The following NLGN1 variants were observed in gnomAD, a reference collection of about 807,000 sequenced individuals.
NLGN1 encodes the protein neuroligin 1.
NLGN1 carries 12 observed loss-of-function variants against 65.5 expected under a neutral mutation model. The observed-to-expected ratio is 0.18, with a 90% CI of 0.12 to 0.30. The LOEUF (loss-of-function observed/expected upper bound fraction) is 0.30, where lower values mean the gene tolerates loss of function less well. NLGN1 is among the 10% of genes least tolerant of loss of function. The probability of loss-of-function intolerance (pLI) is 1.00; values close to 1 mark genes in which losing one functional copy is unlikely to be tolerated. For synonymous variants in NLGN1, 350 were observed against 359.5 expected, an observed-to-expected ratio of 0.97 and a Z score of 0.30; for missense variants, 750 against 1,007.1, an observed-to-expected ratio of 0.74 and a Z score of 3.46.
intron 4 of NLGN1, among the ~76,000 whole-genome samples, chr3:173,891,635 C>A (rs1735354754): frequency 6.6e-6 from 1 of 152,156 alleles, no homozygotes; most frequent in African/African-American, 2.4e-5. Context: ...AATGTCCAGG[C>A]CCATTTGCCA....
chr3:173,509,953 T>A (rs937060952), intron 2 of NLGN1, among the ~76,000 whole-genome samples: 3 of 152,206 alleles, frequency 2.0e-5, no homozygotes, highest in African/African-American at 4.8e-5. Context: ...TTTCAATGGA[T>A]GTGAAGGAGA....
intron 4 of NLGN1, among the ~76,000 whole-genome samples, chr3:173,863,867 T>A (rs987524648): frequency 3.3e-5 from 5 of 152,192 alleles, no homozygotes; most frequent in African/African-American, 1.2e-4. Flanking sequence ...TGATTGGCCA[T>A]CATTGAGCTT....
At chr3:174,242,505 T>G (rs562822567) in intron 4 of NLGN1, among the ~76,000 whole-genome samples, 8 of 152,104 alleles carry the variant, frequency 5.3e-5, no homozygotes, top group Non-Finnish European at 1.0e-4. Flanking sequence ...CTGCCTGCGC[T>G]CCATCTCCTG....
At position 173,801,976 on chromosome 3, in the gene NLGN1, C is replaced by A. The variant is rs185052280; in HGVS notation, c.494-5704C>A. On this transcript the variant is annotated intron_variant, in intron 3 of 6. Coordinates refer to ENST00000457714, the Ensembl canonical transcript of NLGN1. ...TTTCAGGCTTTGGGACTTTTTGAAC[C>A]CCTTGAAAATCCTTAACTCCTAGAA... is the stretch of plus-strand genomic sequence containing the variant. 2.5e-3 allele frequency among the ~76,000 whole-genome samples: 383 copies of A among 152,106 alleles called. 2 individuals are homozygous for A. The highest frequency in any genetic ancestry group is 8.3e-3 in the African/African-American group (346 of 41,536).
chr3:173,945,334 TGG>T (rs957157141), intron 4 of NLGN1, among the ~76,000 whole-genome samples: 4 of 152,100 alleles, frequency 2.6e-5, no homozygotes, highest in African/African-American at 9.7e-5. Flanking sequence ...TTTTTTGATG[TGG>T]GTGTAAACCT....
chr3:174,101,572 A>G (rs1347093460), intron 4 of NLGN1, among the ~76,000 whole-genome samples: 1 of 152,192 alleles, frequency 6.6e-6, no homozygotes, highest in Non-Finnish European at 1.5e-5. Context: ...AATGAATCAC[A>G]GCTTTTTAAA....
intron 2 of NLGN1, among the ~76,000 whole-genome samples, chr3:173,553,913 T>C (rs913361185): frequency 6.6e-6 from 1 of 152,046 alleles, no homozygotes; most frequent in Non-Finnish European, 1.5e-5. Flanking sequence ...GACTAAATTT[T>C]CCCCCTGGGA....
chr3:173,755,684 A>G (rs1480033762), intron 3 of NLGN1, among the ~76,000 whole-genome samples: 4 of 152,084 alleles, frequency 2.6e-5, no homozygotes, highest in Admixed American at 1.3e-4. Context: ...TGGCAAGACT[A>G]ATTAATAATT....
At chr3:173,506,906 G>T (rs1418254000) in intron 2 of NLGN1, among the ~76,000 whole-genome samples, 1 of 152,036 alleles carries the variant, frequency 6.6e-6, no homozygotes, top group Admixed American at 6.6e-5. Context: ...AGGTCAAAAT[G>T]AAAAAGAATG....
intron 4 of NLGN1, among the ~76,000 whole-genome samples, chr3:174,241,662 T>C (rs926588232): frequency 1.3e-5 from 2 of 151,892 alleles, no homozygotes; most frequent in Middle Eastern, 3.2e-3. Context: ...TTTTTTTTTT[T>C]TTTCTTTTTG....
intron 3 of NLGN1, among the ~76,000 whole-genome samples, chr3:173,707,828 A>G (rs1768286995): frequency 6.6e-6 from 1 of 152,192 alleles, no homozygotes; most frequent in Non-Finnish European, 1.5e-5. Flanking sequence ...ATGGACTGTG[A>G]GATAGGGATA....
intron 4 of NLGN1, among the ~76,000 whole-genome samples, chr3:174,146,555 A>G (rs1323524550): frequency 6.6e-6 from 1 of 152,022 alleles, no homozygotes; most frequent in African/African-American, 2.4e-5. Context: ...TCTTTATAAA[A>G]TATCTGACAT....
chr3:173,817,485 T>C (rs1169973605), intron 4 of NLGN1, among the ~76,000 whole-genome samples: 2 of 152,158 alleles, frequency 1.3e-5, no homozygotes, highest in Non-Finnish European at 2.9e-5. Context: ...TCATAGAAGA[T>C]TGAGGGACCT....
chr3:173,564,390 T>C (rs1479745288), intron 2 of NLGN1, among the ~76,000 whole-genome samples: 1 of 152,240 alleles, frequency 6.6e-6, no homozygotes, highest in Non-Finnish European at 1.5e-5. Context: ...AATGAATATT[T>C]AAGTAGATCA....
intron 3 of NLGN1, among the ~76,000 whole-genome samples, chr3:173,693,713 C>CA (rs1236529956): frequency 2.0e-5 from 3 of 150,856 alleles, no homozygotes; most frequent in South Asian, 4.2e-4. Context: ...AAATAATGAA[C>CA]AAAAAAACAG....
At chr3:174,271,214 AAAG>A (rs1362318110) in intron 4 of NLGN1, among the ~76,000 whole-genome samples, 7 of 151,884 alleles carry the variant, frequency 4.6e-5, no homozygotes, top group Non-Finnish European at 8.8e-5. Context: ...CTACCTTAAA[AAAG>A]AAGGAAGCAC....
intron 4 of NLGN1, among the ~76,000 whole-genome samples, chr3:174,234,752 T>C (rs1741354829): frequency 6.6e-6 from 1 of 152,180 alleles, no homozygotes; most frequent in African/African-American, 2.4e-5. Flanking sequence ...TCTGACTAGC[T>C]ACCTAGTGAA....
At chr3:173,510,301 C>T (rs1322684335) in intron 2 of NLGN1, among the ~76,000 whole-genome samples, 1 of 152,214 alleles carries the variant, frequency 6.6e-6, no homozygotes, top group East Asian at 1.9e-4. Flanking sequence ...ATACTGCACT[C>T]TTGGCAAGGG....
chr3:173,747,777 A>G (rs1221475583), intron 3 of NLGN1, among the ~76,000 whole-genome samples: 1 of 119,058 alleles, frequency 8.4e-6, no homozygotes, highest in African/African-American at 3.8e-5. Flanking sequence ...TTAAAACAAA[A>G]TTTTCTTTCT....
Sources: allele counts gnomAD v4.1 joint callset (sites outside exome capture counted in the v4.1 genomes callset), GRCh38; gene constraint gnomAD v4.1.1; transcripts MANE v1.5; gene names NCBI Gene and HGNC (gene_info 2026-07-23, HGNC 2026-07-21).